The following SCMH1 variants were observed in gnomAD, a reference collection of about 807,000 sequenced individuals.
The protein encoded by SCMH1 is polycomb protein SCMH1.
A neutral mutation model predicts 70.8 loss-of-function variants in SCMH1; 37 were observed. That is an observed-to-expected ratio of 0.52 (90% CI 0.40 to 0.69). SCMH1 has a LOEUF of 0.69. Ranked by LOEUF, SCMH1 falls within the 30% of genes least tolerant of loss-of-function variation. The pLI is 0.00. For synonymous variants in SCMH1, 292 were observed against 307.4 expected (o/e 0.95, Z 0.52); for missense variants, 607 against 827.3 (o/e 0.73, Z 3.27).
chr1:41,111,340 C>A (rs1338432938), intron 8 of SCMH1, among the ~76,000 whole-genome samples: 1 of 152,108 alleles, frequency 6.6e-6, no homozygotes, highest in Non-Finnish European at 1.5e-5. Flanking sequence ...CATCATCTTG[C>A]ACTGCTTGTT....
At chr1:41,041,592 T>C (rs1045985658) in intron 12 of SCMH1, 5 of 152,206 alleles carry the variant, frequency 3.3e-5, no homozygotes, top group African/African-American at 9.6e-5. Flanking sequence ...TGCCAGACAG[T>C]GTGCTTCAGT....
At chr1:41,090,320 A>G (rs983791255) in intron 8 of SCMH1, among the ~76,000 whole-genome samples, 1 of 152,314 alleles carries the variant, frequency 6.6e-6, no homozygotes, top group East Asian at 1.9e-4. Context: ...TGAAAAGAAC[A>G]TTATTTTATA....
At chr1:41,085,219 T>C (rs1661268930) in intron 8 of SCMH1, among the ~76,000 whole-genome samples, 1 of 151,954 alleles carries the variant, frequency 6.6e-6, no homozygotes, top group South Asian at 2.1e-4. Context: ...GTCTATACTA[T>C]AAATGCAAAG....
At chr1:41,065,675 C>T (rs911824993) in intron 10 of SCMH1, among the ~76,000 whole-genome samples, 2 of 152,080 alleles carry the variant, frequency 1.3e-5, no homozygotes, top group African/African-American at 4.8e-5. Context: ...ATATAATCAG[C>T]TTATCTTTGA....
chr1:41,229,126 G>A (rs1218128037), intron 1 of SCMH1, among the ~76,000 whole-genome samples: 1 of 152,040 alleles, frequency 6.6e-6, no homozygotes, highest in South Asian at 2.1e-4. Context: ...AACCCAGGGG[G>A]TGGAGGTTGC....
At chr1:41,221,474 A>T (rs1659249260) in intron 1 of SCMH1, among the ~76,000 whole-genome samples, 1 of 151,400 alleles carries the variant, frequency 6.6e-6, no homozygotes, top group Non-Finnish European at 1.5e-5. Flanking sequence ...GCAACATAGC[A>T]AGATACCATT....
intron 1 of SCMH1, among the ~76,000 whole-genome samples, chr1:41,231,340 T>C (rs1402700331): frequency 6.6e-6 from 1 of 152,226 alleles, no homozygotes; most frequent in Non-Finnish European, 1.5e-5. Context: ...TATGTTTTAA[T>C]TAAATCTCAA....
rs557231232 is a variant in SCMH1, at chr1:41,146,409, G to A, written c.178-3297C>T. 4.1e-4 allele frequency among the ~76,000 whole-genome samples: 62 copies of A among 152,140 alleles called. No homozygotes were observed. The South Asian group carries it at 0.012, about 29-fold the overall frequency. On this transcript the variant is annotated intron_variant, in intron 5 of 14. Transcript: ENST00000337495. Reference sequence around the variant, plus strand: ...ATTTAGTGTAGCCTGGGTGTACAGCGTTTATAACGTTGACAGTGGTACGCA... The same window carrying A: ...ATTTAGTGTAGCCTGGGTGTACAGCATTTATAACGTTGACAGTGGTACGCA...
intron 8 of SCMH1, among the ~76,000 whole-genome samples, chr1:41,098,382 ACT>A (rs1247018622): frequency 6.6e-6 from 1 of 152,132 alleles, no homozygotes; most frequent in East Asian, 1.9e-4. Flanking sequence ...ATAGAAAATA[ACT>A]CACATTTTTT....
intron 10 of SCMH1, among the ~76,000 whole-genome samples, chr1:41,054,969 G>GCCCA (rs1310649338): frequency 6.6e-6 from 1 of 152,130 alleles, no homozygotes; most frequent in East Asian, 1.9e-4. Context: ...TTGTTGTAGA[G>GCCCA]ACGGGTTCTC....
intron 8 of SCMH1, among the ~76,000 whole-genome samples, chr1:41,085,279 GA>G (rs201581147): frequency 0.012 from 1,833 of 151,972 alleles, 15 homozygotes; most frequent in Non-Finnish European, 0.018. Flanking sequence ...ATAGGTCTAA[GA>G]AAAAAAATTA....
chr1:41,073,328 T>C (rs1315041334), intron 9 of SCMH1, among the ~76,000 whole-genome samples: 2 of 152,194 alleles, frequency 1.3e-5, no homozygotes, highest in Admixed American at 1.3e-4. Context: ...TCTGGTTCTA[T>C]CTTTGGAGTC....
At chr1:41,031,973 C>A (rs1219998797) in intron 13 of SCMH1, among the ~76,000 whole-genome samples, 1 of 152,062 alleles carries the variant, frequency 6.6e-6, no homozygotes, top group Non-Finnish European at 1.5e-5. Context: ...CTGGGCAGAG[C>A]CCTCATGAAT....
chr1:41,032,384 G>C (rs1001526561), intron 13 of SCMH1, among the ~76,000 whole-genome samples: 3 of 152,200 alleles, frequency 2.0e-5, no homozygotes, highest in African/African-American at 7.2e-5. Flanking sequence ...CCTTGAGGCA[G>C]AAGAGCAAAT....
chr1:41,048,867 C>T, exon 11 of SCMH1: 1 of 1,613,870 alleles, frequency 6.2e-7, no homozygotes, highest in East Asian at 2.2e-5. Context: ...CCTGTGCTGC[C>T]ATTCTTGTTC....
Position 41,113,384 on chromosome 1 carries a change from C to T in SCMH1, c.644G>A (p.Arg215Gln), listed in dbSNP as rs914942940. The T allele has an allele frequency of 1.2e-5, 20 of 1,613,902 alleles. No homozygotes were observed. Among genetic ancestry groups the T allele is most frequent in the African/African-American group, 4.0e-5 (3 of 74,862 alleles). ...GCGGCACCAGTAGTCAAAGGCCCCT[C>T]GCCACCCATCAAAAGTGACAAGCAC... Residue 215 changes from arginine to glutamine, a missense_variant, in exon 8 of 15, where the codon CGA becomes CAA. Arg to Gln is a conservative substitution (Grantham distance 43). This residue lies in a region of SCMH1 where 105 missense variants were observed against 214.5 expected (regional missense o/e 0.49). Coordinates refer to ENST00000337495, the Ensembl canonical transcript of SCMH1. This position sits in a 1 kb window ranked among gnomAD's most constrained non-coding sequence, Gnocchi z 4.3.
chr1:41,213,039 G>C (rs1375394474), intron 1 of SCMH1, among the ~76,000 whole-genome samples: 1 of 152,116 alleles, frequency 6.6e-6, no homozygotes, highest in Non-Finnish European at 1.5e-5. Flanking sequence ...ACAAATAAGA[G>C]TGTAGGAACA....
intron 8 of SCMH1, among the ~76,000 whole-genome samples, chr1:41,105,315 C>G (rs1200034814): frequency 6.6e-6 from 1 of 151,988 alleles, no homozygotes; most frequent in Non-Finnish European, 1.5e-5. Flanking sequence ...GAGTAGTATT[C>G]TTATTTTTTG....
At chr1:41,156,252 C>T (rs1182931874) in intron 4 of SCMH1, among the ~76,000 whole-genome samples, 1 of 152,120 alleles carries the variant, frequency 6.6e-6, no homozygotes, top group East Asian at 1.9e-4. Context: ...TGGCCACATT[C>T]CTTTACAAGA....
Sources: gnomAD v4.1 joint callset for allele counts (sites outside exome capture counted in the v4.1 genomes callset) on GRCh38, gnomAD v4.1.1 for gene constraint, gnomAD v4.1.1 regional missense constraint, Gnocchi (gnomAD v3.1) non-coding constraint, MANE v1.5 for transcripts, NCBI Gene and HGNC (gene_info 2026-07-23, HGNC 2026-07-21) for gene names.